Variants in PPP2R2C observed in about 807,000 individuals in gnomAD.
The protein encoded by PPP2R2C is protein phosphatase 2 regulatory subunit Bgamma, also known as protein phosphatase 2, regulatory subunit B, gamma.
A neutral mutation model predicts 45.3 loss-of-function variants in PPP2R2C; 10 were observed. The observed-to-expected ratio is 0.22, with a 90% CI of 0.14 to 0.37. The LOEUF (loss-of-function observed/expected upper bound fraction) is 0.37. Ranked by LOEUF, PPP2R2C falls within the 10% of genes least tolerant of loss-of-function variation. The probability of loss-of-function intolerance (pLI) is 1.00; values close to 1 mark genes in which losing one functional copy is unlikely to be tolerated. For synonymous variants in PPP2R2C, 257 were observed against 245.4 expected (o/e 1.05, Z -0.44); for missense variants, 308 against 619.7 (o/e 0.50, Z 5.34).
chr4:6,362,257 A>G (rs1236765114), intron 5 of PPP2R2C, among the ~76,000 whole-genome samples: 2 of 152,092 alleles, frequency 1.3e-5, no homozygotes, highest in African/African-American at 4.8e-5. Context: ...ATGAGGGTGG[A>G]GGGGTCCTGA....
chr4:6,340,015 G>A (rs535120929), intron 6 of PPP2R2C, among the ~76,000 whole-genome samples: 38 of 152,170 alleles, frequency 2.5e-4, no homozygotes, highest in African/African-American at 5.8e-4. Context: ...CCTCCTGTTC[G>A]GCCTCTTTCC....
At chr4:6,548,055 TA>T (rs1337292531) in intron 1 of PPP2R2C, among the ~76,000 whole-genome samples, 9 of 151,816 alleles carry the variant, frequency 5.9e-5, no homozygotes, top group Admixed American at 5.3e-4. Context: ...CCATCTCTAT[TA>T]AAAATACAAA....
intron 1 of PPP2R2C, among the ~76,000 whole-genome samples, chr4:6,432,123 G>A (rs747557166): frequency 3.3e-5 from 5 of 152,140 alleles, no homozygotes; most frequent in Admixed American, 6.5e-5. Context: ...ACCTTCAGAT[G>A]ACAGCAGTAG....
In PPP2R2C at chr4:6,411,119, C is replaced by T. The variant is rs544592486; in HGVS notation, c.71-30025G>A. ...CTCCTGAGCTCAAGTGATCTACCCA[C>T]CTCAGCCTCCCAAAGGGCTTGGATT... On this transcript the variant is annotated intron_variant, in intron 1 of 8. Coordinates refer to ENST00000382599, the MANE Select transcript of PPP2R2C (RefSeq NM_020416.4). Among the ~76,000 whole-genome samples the T allele has an allele frequency of 5.4e-3, 817 of 152,200 alleles. 3 individuals carry two copies. The highest frequency in any genetic ancestry group is 9.4e-3 in the Non-Finnish European group (638 of 68,020).
At chr4:6,453,782 A>G (rs1208905001) in intron 1 of PPP2R2C, among the ~76,000 whole-genome samples, 1 of 152,134 alleles carries the variant, frequency 6.6e-6, no homozygotes, top group Non-Finnish European at 1.5e-5. Flanking sequence ...ACTCCTCCCT[A>G]CTGCAGTGGC....
rs1350113609 is a variant in PPP2R2C, at chr4:6,323,305, G to C, written c.1341C>G (p.His447Gln). Reference sequence around the variant, plus strand: ...AGGGGCCGGGAACTGCACATACCTAGTGCATGTCAGAGTTTACCTTGTCCT... The same window carrying C: ...AGGGGCCGGGAACTGCACATACCTACTGCATGTCAGAGTTTACCTTGTCCT... ...IFQDKVNSDM[H>Q] is the part of the protein sequence containing the mutation. Residue 447 changes from histidine (H) to glutamine (Q), a missense_variant, in exon 9 of 9, where the codon CAC becomes CAG. His to Gln is a conservative substitution (Grantham distance 24). Coordinates refer to ENST00000382599, the MANE Select transcript of PPP2R2C (RefSeq NM_020416.4). 2 of 1,598,254 alleles carry C rather than the reference G, an allele frequency of 1.3e-6. No individual in the cohort carries two copies. Among genetic ancestry groups the C allele is most frequent in the Non-Finnish European group, 1.7e-6 (2 of 1,167,706 alleles).
chr4:6,492,433 C>G (rs553805646), intron 2 of PPP2R2C, among the ~76,000 whole-genome samples: 6 of 152,166 alleles, frequency 3.9e-5, no homozygotes, highest in South Asian at 2.1e-4. Context: ...AGAGCCTCCC[C>G]CCGAGTGCTC....
intron 1 of PPP2R2C, among the ~76,000 whole-genome samples, chr4:6,427,340 C>T (rs1362206206): frequency 6.6e-6 from 1 of 152,234 alleles, no homozygotes; most frequent in African/African-American, 2.4e-5. Context: ...AGGACAGTGC[C>T]TTCCAACTAA....
chr4:6,482,418 A>T (rs537348221), intron 2 of PPP2R2C, among the ~76,000 whole-genome samples: 35 of 152,276 alleles, frequency 2.3e-4, no homozygotes, highest in Non-Finnish European at 4.6e-4. Flanking sequence ...GCTGTGAACC[A>T]CTGAACCACT....
chr4:6,428,062 G>A (rs1438808816), intron 1 of PPP2R2C, among the ~76,000 whole-genome samples: 1 of 152,164 alleles, frequency 6.6e-6, no homozygotes, highest in African/African-American at 2.4e-5. Context: ...CTCTGAGGAG[G>A]GTCACTCAGC....
chr4:6,425,432 CTCATGAG>C (rs1336227081), intron 1 of PPP2R2C, among the ~76,000 whole-genome samples: 1 of 152,226 alleles, frequency 6.6e-6, no homozygotes, highest in East Asian at 1.9e-4. Context: ...CCAGCCCCTC[CTCATGAG>C]TCATGTGAGG....
chr4:6,352,417 G>A (rs527377181), intron 5 of PPP2R2C, among the ~76,000 whole-genome samples: 1 of 152,194 alleles, frequency 6.6e-6, no homozygotes, highest in African/African-American at 2.4e-5. Flanking sequence ...TGCTTCACAA[G>A]GTTCATTTCA....
chr4:6,537,590 A>G (rs1724673143), intron 1 of PPP2R2C, among the ~76,000 whole-genome samples: 1 of 142,442 alleles, frequency 7.0e-6, no homozygotes, highest in African/African-American at 2.7e-5. Context: ...TTGCTCTTTC[A>G]CCCAGGCTGG....
At chr4:6,548,151 G>A (rs562922846) in intron 1 of PPP2R2C, among the ~76,000 whole-genome samples, 43 of 152,302 alleles carry the variant, frequency 2.8e-4, no homozygotes, top group African/African-American at 1.0e-3. Context: ...CCGGGAGGCA[G>A]GGGCTGCAGT....
intron 1 of PPP2R2C, among the ~76,000 whole-genome samples, chr4:6,403,260 T>C (rs1717553148): frequency 1.3e-5 from 2 of 152,144 alleles, no homozygotes. Context: ...GGAGGATTGA[T>C]CATCTCAGAG....
intron 1 of PPP2R2C, among the ~76,000 whole-genome samples, chr4:6,391,975 C>T (rs1577140466): frequency 6.6e-6 from 1 of 152,358 alleles, no homozygotes; most frequent in East Asian, 1.9e-4. Flanking sequence ...GCCAGGTTTA[C>T]TGGCTCATCA....
rs897689630 is a variant in PPP2R2C, at chr4:6,349,356, C to T, written c.626-1346G>A. ...TTCCCAGCTATCCATGCCTCAGCTT[C>T]CTCATCTGTAAAATGAGTCAGCAGT... On this transcript the variant is annotated intron_variant, in intron 5 of 8. Coordinates refer to ENST00000382599, the MANE Select transcript of PPP2R2C (RefSeq NM_020416.4). 5.7e-5 allele frequency: 55 copies of T among 973,346 alleles called. No homozygotes were observed. In the African/African-American group the frequency reaches 8.6e-4, roughly 15 times the overall value. 60.3% of individuals were successfully genotyped at this position (973,346 alleles called of 1,614,324 possible).
chr4:6,438,293 T>C (rs766491558), intron 1 of PPP2R2C, among the ~76,000 whole-genome samples: 1 of 152,212 alleles, frequency 6.6e-6, no homozygotes, highest in Non-Finnish European at 1.5e-5. Context: ...CCTTTCTCAG[T>C]GTGTTAATGT....
chr4:6,505,108 C>T (rs1371367069), intron 2 of PPP2R2C, among the ~76,000 whole-genome samples: 3 of 152,012 alleles, frequency 2.0e-5, no homozygotes, highest in Admixed American at 6.5e-5. Flanking sequence ...ACTGACTTCT[C>T]ATCAGAAACT....
Sources: allele counts gnomAD v4.1 joint callset (sites outside exome capture counted in the v4.1 genomes callset), GRCh38; gene constraint gnomAD v4.1.1; transcripts MANE v1.5; gene names NCBI Gene and HGNC (gene_info 2026-07-23, HGNC 2026-07-21).